The following MYO7B variants were observed in gnomAD, a reference collection of about 807,000 sequenced individuals.
MYO7B encodes myosin VIIB.
MYO7B carries 212 observed loss-of-function variants against 259.7 expected under a neutral mutation model. The observed-to-expected ratio is 0.82, with a 90% CI of 0.73 to 0.91. The LOEUF is 0.91. MYO7B is among the 40% of genes least tolerant of loss of function. The pLI is 0.00. For synonymous variants in MYO7B, 1,197 were observed against 1,166.4 expected, an observed-to-expected ratio of 1.03 and a Z score of -0.54; for missense variants, 2,732 against 2,813.5, an observed-to-expected ratio of 0.97 and a Z score of 0.66.
At position 127,635,868 on chromosome 2, in the gene MYO7B, G is replaced by C. The variant is rs750458142; in HGVS notation, c.5967G>C (p.Glu1989Asp). 1 of 1,582,656 alleles carries C rather than the reference G, an allele frequency of 6.3e-7. No homozygotes were observed. Residue 1989 changes from glutamate (E) to aspartate (D), a missense_variant, in exon 44 of 48, where the codon GAG (glutamate) becomes GAC (aspartate). Glu to Asp is a conservative substitution (Grantham distance 45). Coordinates refer to ENST00000409816, the MANE Select transcript of MYO7B (RefSeq NM_001393586.1). ...AGATCCTGAGGGAACTGGTGCCTGA[G>C]AACCTCACACGCCTGATGTCCTCGG... is the stretch of plus-strand genomic sequence containing the variant. ...VPKILRELVP[E>D]NLTRLMSSEE...
intron 10 of MYO7B, among the ~76,000 whole-genome samples, chr2:127,581,374 C>A (rs1679092366): frequency 6.6e-6 from 1 of 152,174 alleles, no homozygotes. Flanking sequence ...CCCCACGTCA[C>A]CCCCATTGAC....
At chr2:127,621,938 C>T in intron 27 of MYO7B, 44 bp from the exon 28 acceptor site, 11 of 1,551,608 alleles carry the variant, frequency 7.1e-6, no homozygotes, top group Non-Finnish European at 8.7e-6. Flanking sequence ...AAACTGGCCT[C>T]CTTTCTGAGT....
At chr2:127,592,586 A>G (rs1679598905) in intron 16 of MYO7B, among the ~76,000 whole-genome samples, 1 of 143,312 alleles carries the variant, frequency 7.0e-6, no homozygotes, top group South Asian at 2.1e-4. Context: ...TTTTTCAACT[A>G]CTTGCACTAC....
At chr2:127,568,881 A>G (rs866956825) in intron 5 of MYO7B, among the ~76,000 whole-genome samples, 2 of 150,870 alleles carry the variant, frequency 1.3e-5, no homozygotes, top group Non-Finnish European at 2.9e-5. Flanking sequence ...CCAGGCCAAC[A>G]ACAGCAAGAC....
At chr2:127,554,626 C>T (rs1296892229) in intron 1 of MYO7B, among the ~76,000 whole-genome samples, 1 of 152,140 alleles carries the variant, frequency 6.6e-6, no homozygotes, top group Non-Finnish European at 1.5e-5. Flanking sequence ...CCCTCTTTCT[C>T]TATGTTGTGG....
intron 6 of MYO7B, 134 bp from the exon 7 acceptor site, chr2:127,573,786 T>C (rs766381822): frequency 1.7e-4 from 196 of 1,182,236 alleles, no homozygotes; most frequent in Non-Finnish European, 2.2e-4. Context: ...CTTCCGTCAC[T>C]GTCTGGTGCA....
intron 36 of MYO7B, 23 bp downstream of exon 36, chr2:127,630,931 C>T (rs1681457513): frequency 6.5e-7 from 1 of 1,545,788 alleles, no homozygotes; most frequent in Non-Finnish European, 8.8e-7. Flanking sequence ...CCCGCTCCGC[C>T]TCATTGCACC....
intron 2 of MYO7B, among the ~76,000 whole-genome samples, chr2:127,563,064 A>AT (rs1348175338): frequency 1.5e-4 from 22 of 151,000 alleles, no homozygotes; most frequent in African/African-American, 5.4e-4. Flanking sequence ...CATTTCCTCA[A>AT]TTTTTTCATT....
At position 127,631,676 on chromosome 2, in the gene MYO7B, A is replaced by T; in HGVS notation, c.5172A>T (p.Thr1724=). The T allele has an allele frequency of 6.2e-7, 1 of 1,612,970 alleles. No individual in the cohort carries two copies. The highest frequency in any genetic ancestry group is 1.3e-5 in the African/African-American group (1 of 75,016). The part of the protein sequence containing the change: ...PTLELTDQIF[T]LALQHPALQD... ...TGGAGCTCACCGACCAGATCTTCAC[A>T]CTGGCCCTGCAGCACCCGGCCCTCC... The change falls in exon 38 of 48, where the codon ACA becomes ACT. Residue 1724 remains threonine (T), a synonymous_variant. Coordinates refer to ENST00000409816, the MANE Select transcript of MYO7B (RefSeq NM_001393586.1).
chr2:127,583,207 AG>A (rs1679170946), intron 12 of MYO7B, among the ~76,000 whole-genome samples: 2 of 152,232 alleles, frequency 1.3e-5, no homozygotes, highest in Non-Finnish European at 2.9e-5. Context: ...GCCCTGTCTG[AG>A]GAGCCAGGGG....
In MYO7B at chr2:127,586,687, A is replaced by G. The variant is rs1158539624; in HGVS notation, c.1691-1705A>G. 1.3e-5 allele frequency among the ~76,000 whole-genome samples: 2 copies of G among 152,242 alleles called. No homozygotes were observed. The highest frequency in any genetic ancestry group is 2.4e-5 in the African/African-American group (1 of 41,462). ...TTTTTTGAAATGATAGGAAACTTACATAATGCTAAGATTAAGGTCGATTCT... is the reference window on the plus strand; with the variant it reads ...TTTTTTGAAATGATAGGAAACTTACGTAATGCTAAGATTAAGGTCGATTCT... On this transcript the variant is annotated intron_variant, in intron 14 of 47. Transcript: ENST00000409816. This position sits in a 1 kb window ranked among gnomAD's most constrained non-coding sequence, Gnocchi z 4.8.
At chr2:127,564,839 T>G (rs1333046749) in intron 3 of MYO7B, among the ~76,000 whole-genome samples, 2 of 152,240 alleles carry the variant, frequency 1.3e-5, no homozygotes, top group Non-Finnish European at 2.9e-5. Flanking sequence ...TATCTTCTAT[T>G]TGTGTGACAC....
At chr2:127,635,048 G>C in intron 42 of MYO7B, 72 bp from the exon 43 acceptor site, 1 of 1,246,072 alleles carries the variant, frequency 8.0e-7, no homozygotes, top group Non-Finnish European at 1.2e-6. Flanking sequence ...GCGCAGTGTG[G>C]GGGGTGGCAG....
Position 127,628,574 on chromosome 2 carries a change from TG to T in MYO7B, c.4624+44del. The T allele has an allele frequency of 5.2e-5, 1 of 19,198 alleles. No individual in the cohort carries two copies. Among genetic ancestry groups the T allele is most frequent in the Non-Finnish European group, 9.8e-5 (1 of 10,222 alleles). 1.2% of individuals were successfully genotyped at this position (19,198 alleles called of 1,614,324 possible). Reference sequence around the variant, plus strand: ...TGGGGTGGGGTGGGGTGGGGTGGGGTGGGGGAGGGCCGCGCATGGGGTCTGT... The same window carrying T: ...TGGGGTGGGGTGGGGTGGGGTGGGGTGGGGAGGGCCGCGCATGGGGTCTGT... On this transcript the variant is annotated intron_variant, in intron 34 of 47. Coordinates refer to ENST00000409816, the MANE Select transcript of MYO7B (RefSeq NM_001393586.1). This position sits in a 1 kb window ranked among gnomAD's most constrained non-coding sequence, Gnocchi z 4.8.
intron 2 of MYO7B, among the ~76,000 whole-genome samples, chr2:127,560,541 C>G (rs1312161752): frequency 6.6e-6 from 1 of 152,196 alleles, no homozygotes; most frequent in Non-Finnish European, 1.5e-5. Flanking sequence ...TTTGCATTTA[C>G]TGTCAAATCA....
rs373498646 is a variant in MYO7B, at chr2:127,629,813, C to T, written c.4793C>T (p.Ser1598Leu). Residue 1598 changes from serine to leucine, a missense_variant, in exon 35 of 48, where the codon TCG (serine) becomes TTG (leucine). Physicochemically the swap from Ser to Leu is moderately radical, Grantham distance 145 (BLOSUM62 -2). Coordinates refer to ENST00000409816, the MANE Select transcript of MYO7B (RefSeq NM_001393586.1). ...LYTIPTVTKP[S>L]AQLLSLLAMS... ...ACCATCCCCACGGTCACTAAGCCCT[C>T]GGCACAGCTGCTGGTAACTGGCACG... The T allele has an allele frequency of 2.8e-5, 44 of 1,565,498 alleles. No individual in the cohort carries two copies. The highest frequency in any genetic ancestry group is 5.5e-5 in the African/African-American group (4 of 73,248).
In MYO7B at chr2:127,607,165, G is replaced by C. The variant is rs1470228340; in HGVS notation, c.2425-41G>C. On this transcript the variant is annotated intron_variant, in intron 20 of 47. Coordinates refer to ENST00000409816, the MANE Select transcript of MYO7B (RefSeq NM_001393586.1). The surrounding 1 kb of genome is among the most constrained non-coding windows in gnomAD (Gnocchi z 4.4). Reference sequence around the variant, plus strand: ...CACCCCTCTCTGTTTCCTGGGGAAGGCCTTCTTGCCCCTGATCTCACCTCT... The same window carrying C: ...CACCCCTCTCTGTTTCCTGGGGAAGCCCTTCTTGCCCCTGATCTCACCTCT... 6.6e-7 allele frequency: 1 copy of C among 1,509,470 alleles called. No individual in the cohort carries two copies. Among genetic ancestry groups the C allele is most frequent in the Admixed American group, 2.1e-5 (1 of 47,330 alleles). 93.5% of individuals were successfully genotyped at this position (1,509,470 alleles called of 1,614,324 possible). A position where few individuals can be genotyped will look rare whatever the true frequency, so the allele number is the denominator to read the frequency against.
Position 127,581,896 on chromosome 2 carries a change from G to A in MYO7B, c.1086G>A (p.Gln362=). Residue 362 remains glutamine (Q), a synonymous_variant, in exon 11 of 48, where the codon CAG becomes CAA. Coordinates refer to ENST00000409816, the MANE Select transcript of MYO7B (RefSeq NM_001393586.1). ...FPTVMKLLEV[Q]HQELRDCLIK... ...GCCCCCACCTGCCTCCCCAGGTGCA[G>A]CACCAGGAGCTCCGGGACTGTCTGA... is the stretch of plus-strand genomic sequence containing the variant. The A allele has an allele frequency of 1.2e-6, 2 of 1,613,772 alleles. No individual in the cohort carries two copies. The highest frequency in any genetic ancestry group is 1.7e-6 in the Non-Finnish European group (2 of 1,179,852).
At chr2:127,617,749 G>T (rs1450319758) in intron 26 of MYO7B, among the ~76,000 whole-genome samples, 2 of 150,904 alleles carry the variant, frequency 1.3e-5, no homozygotes, top group Non-Finnish European at 2.9e-5. Context: ...TGATCCACCC[G>T]CCTCGGCCTC....
Sources: gnomAD v4.1 joint callset for allele counts (sites outside exome capture counted in the v4.1 genomes callset) on GRCh38, gnomAD v4.1.1 for gene constraint, Gnocchi (gnomAD v3.1) non-coding constraint, MANE v1.5 for transcripts, NCBI Gene and HGNC (gene_info 2026-07-23, HGNC 2026-07-21) for gene names.